STXBP5: variants seen among roughly 807,000 people sequenced by gnomAD.
The protein encoded by STXBP5 is syntaxin-binding protein 5.
In STXBP5, 50 loss-of-function variants were observed where a neutral mutation model predicts 152.4. That is an observed-to-expected ratio of 0.33 (90% CI 0.26 to 0.42). The LOEUF is 0.42. STXBP5 is among the 10% of genes least tolerant of loss of function. STXBP5 has a pLI of 1.00. For missense variants in STXBP5, 1,167 were observed against 1,388.6 expected (o/e 0.84, Z 2.54); for synonymous variants, 492 against 494.7 (o/e 0.99, Z 0.07).
Position 147,390,434 on chromosome 6 carries a change from T to A in STXBP5, c.*5679T>A, listed in dbSNP as rs1786536179. The stretch of plus-strand genomic sequence containing the variant: ...GTCTCTTTATGCTGAAGGGCTCTGA[T>A]TGGGCAAAATAAAATACTCTAATCT... On this transcript the variant is annotated 3_prime_UTR_variant, in exon 28 of 28. Coordinates refer to ENST00000321680, the MANE Select transcript of STXBP5 (RefSeq NM_001127715.4). 1 of 152,016 alleles carries A rather than the reference T, an allele frequency of 6.6e-6. No individual in the cohort carries two copies. Among genetic ancestry groups the A allele is most frequent in the African/African-American group, 2.4e-5 (1 of 41,420 alleles). The allele number at this position is 152,016 out of a possible 1,614,324, so 9.4% of individuals were successfully genotyped here. A position where few individuals can be genotyped will look rare whatever the true frequency, so the allele number is the denominator to read the frequency against.
intron 21 of STXBP5, among the ~76,000 whole-genome samples, chr6:147,347,643 G>A (rs190234456): frequency 5.9e-5 from 9 of 152,268 alleles, no homozygotes; most frequent in Admixed American, 3.9e-4. Flanking sequence ...CTGATCTTTC[G>A]TAGCTGAGAG....
chr6:147,255,089 T>C (rs755164834), intron 4 of STXBP5, among the ~76,000 whole-genome samples: 1 of 152,184 alleles, frequency 6.6e-6, no homozygotes, highest in African/African-American at 2.4e-5. Context: ...AGTGATAAAC[T>C]GGATAAAGAA....
At chr6:147,220,184 A>C (rs1303167874) in intron 2 of STXBP5, among the ~76,000 whole-genome samples, 1 of 152,004 alleles carries the variant, frequency 6.6e-6, no homozygotes, top group Non-Finnish European at 1.5e-5. Flanking sequence ...GGGATTTTCC[A>C]GCTCTCTTTT....
In STXBP5 at chr6:147,377,745, A is replaced by G. The variant is rs959916130; in HGVS notation, c.3193+3903A>G. ...CCTCCCAAAGGCCCCCACTTCTGAC[A>G]TTACATTAGGGAAGGATTAGATTTC... is the stretch of plus-strand genomic sequence containing the variant. On this transcript the variant is annotated intron_variant, in intron 26 of 27. Coordinates refer to ENST00000321680, the MANE Select transcript of STXBP5 (RefSeq NM_001127715.4). 4.6e-5 allele frequency among the ~76,000 whole-genome samples: 7 copies of G among 152,244 alleles called. No homozygotes were observed. In the South Asian group the frequency reaches 1.5e-3, roughly 32 times the overall value.
rs1776462729 is a variant in STXBP5, at chr6:147,204,937, A to G, written c.150+255A>G. On this transcript the variant is annotated intron_variant, in intron 1 of 27. Coordinates refer to ENST00000321680, the MANE Select transcript of STXBP5 (RefSeq NM_001127715.4). This position sits in a 1 kb window ranked among gnomAD's most constrained non-coding sequence, Gnocchi z 4.3. Reference sequence around the variant, plus strand: ...CAGCAATCAGTTCAAGGTTGCTTCAAACTATTATCCGACCTTTAATCGTAT... The same window carrying G: ...CAGCAATCAGTTCAAGGTTGCTTCAGACTATTATCCGACCTTTAATCGTAT... 6.6e-6 allele frequency among the ~76,000 whole-genome samples: 1 copy of G among 152,152 alleles called. No individual in the cohort carries two copies.
intron 22 of STXBP5, among the ~76,000 whole-genome samples, chr6:147,353,911 C>T (rs947437044): frequency 1.3e-5 from 2 of 152,120 alleles, no homozygotes; most frequent in African/African-American, 4.8e-5. Context: ...TTCACACATT[C>T]ATTTTGCTTT....
At chr6:147,219,884 A>T (rs1485236249) in intron 2 of STXBP5, among the ~76,000 whole-genome samples, 2 of 121,240 alleles carry the variant, frequency 1.6e-5, no homozygotes, top group African/African-American at 6.4e-5. Context: ...AGTTTCACTG[A>T]TTTCTTCCTT....
chr6:147,295,688 TCC>T (rs1258568619), intron 9 of STXBP5, among the ~76,000 whole-genome samples: 1 of 152,004 alleles, frequency 6.6e-6, no homozygotes, highest in African/African-American at 2.4e-5. Context: ...CCCCCAACAG[TCC>T]CCATTACCAC....
At chr6:147,365,464 C>T (rs1477908573) in intron 25 of STXBP5, among the ~76,000 whole-genome samples, 1 of 152,142 alleles carries the variant, frequency 6.6e-6, no homozygotes, top group Non-Finnish European at 1.5e-5. Flanking sequence ...CTAAACTTCA[C>T]ACTTTTCTGG....
intron 21 of STXBP5, among the ~76,000 whole-genome samples, chr6:147,349,575 G>A (rs1784498004): frequency 6.6e-6 from 1 of 152,162 alleles, no homozygotes; most frequent in South Asian, 2.1e-4. Context: ...TCTCTCGCTG[G>A]TTTTGTCTCC....
intron 22 of STXBP5, among the ~76,000 whole-genome samples, chr6:147,353,695 C>T (rs968310219): frequency 6.6e-6 from 1 of 152,036 alleles, no homozygotes; most frequent in African/African-American, 2.4e-5. Context: ...CCCATTTAAC[C>T]ATGTGAAAAC....
rs1410903068 is a variant in STXBP5 at position 147,363,394 on chromosome 6, T to A, written c.2605T>A (p.Cys869Ser). 1 of 1,613,476 alleles carries A rather than the reference T, an allele frequency of 6.2e-7. No individual in the cohort carries two copies. The highest frequency in any genetic ancestry group is 8.5e-7 in the Non-Finnish European group (1 of 1,179,858). The change falls in exon 24 of 28, where the codon TGC (cysteine) becomes AGC (serine). Residue 869 changes from cysteine (C) to serine (S), a missense_variant. Cys to Ser is a moderately radical substitution (Grantham distance 112, BLOSUM62 -1). Coordinates refer to ENST00000321680, the MANE Select transcript of STXBP5 (RefSeq NM_001127715.4). ...LRMAFLDTTG[C>S]LIPPAYEPWR... ...AATGGCATTTCTGGATACCACAGGCTGCTTAATACCACCTGCGTATGAACC... is the reference window on the plus strand; with the variant it reads ...AATGGCATTTCTGGATACCACAGGCAGCTTAATACCACCTGCGTATGAACC...
intron 25 of STXBP5, among the ~76,000 whole-genome samples, chr6:147,364,747 A>G (rs1785218440): frequency 6.6e-6 from 1 of 152,312 alleles, no homozygotes; most frequent in South Asian, 2.1e-4. Context: ...TTTACCTTCC[A>G]AAGTAAAAGT....
chr6:147,301,111 C>T (rs1485459378), intron 9 of STXBP5, among the ~76,000 whole-genome samples: 2 of 152,034 alleles, frequency 1.3e-5, no homozygotes, highest in African/African-American at 4.8e-5. Context: ...TATCACCTCA[C>T]TCCAGTTAGA....
At chr6:147,376,959 A>T (rs1452952146) in intron 26 of STXBP5, among the ~76,000 whole-genome samples, 1 of 152,198 alleles carries the variant, frequency 6.6e-6, no homozygotes, top group Admixed American at 6.6e-5. Flanking sequence ...TATTAATATA[A>T]GAAAAATTAG....
At chr6:147,221,376 GCCTT>G (rs1297628277) in intron 2 of STXBP5, among the ~76,000 whole-genome samples, 1 of 151,700 alleles carries the variant, frequency 6.6e-6, no homozygotes, top group African/African-American at 2.4e-5. Context: ...CTCTGATGCT[GCCTT>G]CCTTTATGTA....
chr6:147,318,398 C>T (rs9373522), intron 16 of STXBP5, among the ~76,000 whole-genome samples: 64,523 of 151,952 alleles, frequency 0.42, 14,652 homozygotes, highest in Non-Finnish European at 0.51. Context: ...AGGCAGCAAC[C>T]AGCAGCAGCT....
At chr6:147,274,084 A>G (rs1780323386) in intron 7 of STXBP5, among the ~76,000 whole-genome samples, 2 of 151,958 alleles carry the variant, frequency 1.3e-5, no homozygotes, top group African/African-American at 2.4e-5. Flanking sequence ...TTTTTCTCCC[A>G]TATTTAGACT....
In STXBP5 at chr6:147,339,373, C is replaced by A; in HGVS notation, c.2243C>A (p.Ala748Asp). The A allele has an allele frequency of 6.7e-7, 1 of 1,497,978 alleles. No homozygotes were observed. 92.8% of individuals were successfully genotyped at this position (1,497,978 alleles called of 1,614,324 possible). A position where few individuals can be genotyped will look rare whatever the true frequency, so the allele number is the denominator to read the frequency against. ...TKSRKFSKMVANDIAKMSRKL... is the reference protein window; with the variant it reads ...TKSRKFSKMVDNDIAKMSRKL... ...AGCAGAAAGTTTTCCAAGATGGTAGCCAATGATATAGGTAGGAAATAGAAA... is the reference window on the plus strand; with the variant it reads ...AGCAGAAAGTTTTCCAAGATGGTAGACAATGATATAGGTAGGAAATAGAAA... The change falls in exon 21 of 28, where the codon GCC (alanine) becomes GAC (aspartate). Residue 748 changes from alanine (A) to aspartate (D), a missense_variant. Ala to Asp is a moderately radical substitution (Grantham distance 126). Around this residue, in one of 3 missense-constraint regions of STXBP5, gnomAD observed 833 missense variants for 986.3 expected, o/e 0.84. Coordinates refer to ENST00000321680, the MANE Select transcript of STXBP5 (RefSeq NM_001127715.4).
Sources: gnomAD v4.1 joint callset for allele counts (sites outside exome capture counted in the v4.1 genomes callset) on GRCh38, gnomAD v4.1.1 for gene constraint, gnomAD v4.1.1 regional missense constraint, Gnocchi (gnomAD v3.1) non-coding constraint, MANE v1.5 for transcripts, NCBI Gene and HGNC (gene_info 2026-07-23, HGNC 2026-07-21) for gene names.